The following PATJ variants were observed in gnomAD, a reference collection of about 807,000 sequenced individuals.
PATJ encodes PATJ crumbs cell polarity complex component, also known as inaD-like protein.
PATJ carries 190 observed loss-of-function variants against 224.9 expected under a neutral mutation model. The ratio of observed to expected loss-of-function variants is 0.84; its 90% CI spans 0.75 to 0.95. The LOEUF (loss-of-function observed/expected upper bound fraction) is 0.95. Ranked by LOEUF, PATJ falls within the 40% of genes least tolerant of loss-of-function variation. The pLI, the probability that PATJ is intolerant of heterozygous loss-of-function variation, is 0.00. For missense variants in PATJ, 2,121 were observed against 2,270.3 expected (o/e 0.93, Z 1.34); for synonymous variants, 769 against 820.3 (o/e 0.94, Z 1.07).
At chr1:61,749,846 T>A (rs1419094069) in intron 1 of PATJ, among the ~76,000 whole-genome samples, 1 of 152,040 alleles carries the variant, frequency 6.6e-6, no homozygotes, top group South Asian at 2.1e-4. Flanking sequence ...AGCTGGCTAA[T>A]TTTTAAATTT....
Position 61,777,021 on chromosome 1 carries a change from A to G in PATJ, c.849+1687A>G, listed in dbSNP as rs570475332. Among the ~76,000 whole-genome samples the G allele has an allele frequency of 1.7e-3, 258 of 151,888 alleles. 1 individual carries two copies. The highest frequency in any genetic ancestry group is 5.7e-3 in the African/African-American group (236 of 41,490). On this transcript the variant is annotated intron_variant, in intron 7 of 43. Coordinates refer to ENST00000642238, the MANE Select transcript of PATJ (RefSeq NM_001350145.3). ...ATTACAGGCGTGAGCCACCGCACCC[A>G]GCCAAATCTGCTACTTTTTTATGTG... is the stretch of plus-strand genomic sequence containing the variant.
chr1:61,896,205 G>A (rs983194340), intron 22 of PATJ, among the ~76,000 whole-genome samples: 1 of 151,690 alleles, frequency 6.6e-6, no homozygotes, highest in Non-Finnish European at 1.5e-5. Context: ...GCCAAGTCAG[G>A]AGAATCACTT....
At chr1:61,876,072 T>G (rs1667294808) in intron 21 of PATJ, among the ~76,000 whole-genome samples, 1 of 152,154 alleles carries the variant, frequency 6.6e-6, no homozygotes, top group South Asian at 2.1e-4. Context: ...CTTAAAAGTC[T>G]TTCTCTGTGT....
chr1:62,136,017 T>A (rs1314875039), intron 41 of PATJ, among the ~76,000 whole-genome samples: 2 of 106,934 alleles, frequency 1.9e-5, no homozygotes, highest in African/African-American at 8.0e-5. Context: ...ACCATTAGAT[T>A]TTTTTTTTTT....
rs1437936691 is a variant in PATJ at position 61,894,266 on chromosome 1, A to AAAC, written c.3132-5315_3132-5314insCAA. On this transcript the variant is annotated intron_variant, in intron 22 of 43. Coordinates refer to ENST00000642238, the MANE Select transcript of PATJ (RefSeq NM_001350145.3). ...CGAAACTCTATCTCATAAAAAAAAA[A>AAAC]AAACACAAAAAAAAAACAGAGAATT... 7.8e-3 allele frequency among the ~76,000 whole-genome samples: 1,097 copies of AAAC among 140,664 alleles called. 12 individuals are homozygous for AAAC. Among genetic ancestry groups the AAAC allele is most frequent in the African/African-American group, 0.026 (1,017 of 39,252 alleles). 92.3% of individuals were successfully genotyped at this position (140,664 alleles called of 152,430 possible).
chr1:61,990,176 A>G lies in PATJ; in HGVS notation c.3679A>G (p.Arg1227Gly). 6.3e-7 allele frequency: 1 copy of G among 1,593,298 alleles called. No homozygotes were observed. The highest frequency in any genetic ancestry group is 8.5e-7 in the Non-Finnish European group (1 of 1,174,336). ...AAAAATTCTTTTAATAGAAAAAATC[A>G]GACAAAGATATGCAGATCTGCCTGG... is the stretch of plus-strand genomic sequence containing the variant. ...EEDAFTDQKI[R>G]QRYADLPGEL... Residue 1227 changes from arginine to glycine, a missense_variant, in exon 28 of 44, where the codon AGA (arginine) becomes GGA (glycine). Physicochemically the swap from Arg to Gly is moderately radical, Grantham distance 125 (BLOSUM62 -2). Transcript: ENST00000642238.
chr1:61,899,676 G>A (rs183821272), intron 23 of PATJ, 22 bp downstream of exon 23: 20 of 1,560,248 alleles, frequency 1.3e-5, no homozygotes, highest in Middle Eastern at 1.7e-4. Flanking sequence ...ACATTATTGT[G>A]GCTTTCTCAA....
chr1:61,862,441 C>T (rs1179237637), intron 19 of PATJ, among the ~76,000 whole-genome samples: 1 of 152,198 alleles, frequency 6.6e-6, no homozygotes. Context: ...AGGTGATGTG[C>T]CCACCTCGGC....
intron 29 of PATJ, among the ~76,000 whole-genome samples, chr1:62,034,761 T>G (rs1242759184): frequency 1.3e-5 from 2 of 152,182 alleles, no homozygotes; most frequent in Non-Finnish European, 2.9e-5. Context: ...TTCTATTATG[T>G]AAGGTTAAAA....
chr1:61,859,716 T>C (rs2148927967), intron 18 of PATJ, among the ~76,000 whole-genome samples: 1 of 152,148 alleles, frequency 6.6e-6, no homozygotes, highest in South Asian at 2.1e-4. Flanking sequence ...GCCTCCTGGG[T>C]TCAAGTGATT....
chr1:62,160,308 T>A (rs1249471956), intron 43 of PATJ, among the ~76,000 whole-genome samples: 1 of 152,158 alleles, frequency 6.6e-6, no homozygotes, highest in Non-Finnish European at 1.5e-5. Flanking sequence ...TAGAAACCTA[T>A]TTAGATGATC....
Position 62,114,161 on chromosome 1 carries a change from C to T in PATJ, c.4570C>T (p.Arg1524Trp), listed in dbSNP as rs370297394. 59 of 1,613,940 alleles carry T rather than the reference C, an allele frequency of 3.7e-5. No homozygotes were observed. Among genetic ancestry groups the T allele is most frequent in the South Asian group, 4.4e-5 (4 of 91,068 alleles). The change falls in exon 35 of 44, where the codon CGG (arginine) becomes TGG (tryptophan). Residue 1524 changes from arginine to tryptophan, a missense_variant. Coordinates refer to ENST00000642238, the MANE Select transcript of PATJ (RefSeq NM_001350145.3). ...LVVYRDEAHY[R>W]DEENLEIFPV... ...GGTGTATAGAGATGAGGCACACTAC[C>T]GGGATGAGGAGAACTTGGAGATTTT...
At chr1:62,035,689 G>A (rs111854455) in intron 29 of PATJ, among the ~76,000 whole-genome samples, 1 of 149,192 alleles carries the variant, frequency 6.7e-6, no homozygotes, top group African/African-American at 2.5e-5. Flanking sequence ...TAGTGTCATA[G>A]GGAGTAGGAC....
chr1:61,952,809 A>G (rs914370412), intron 27 of PATJ, among the ~76,000 whole-genome samples: 4 of 152,224 alleles, frequency 2.6e-5, no homozygotes, highest in East Asian at 1.9e-4. Context: ...TGACTTCACC[A>G]TAATAAAAAG....
intron 30 of PATJ, among the ~76,000 whole-genome samples, chr1:62,038,298 C>T (rs527703468): frequency 4.0e-4 from 61 of 152,242 alleles, no homozygotes; most frequent in African/African-American, 1.5e-3. Context: ...TAATTTTGTC[C>T]TAATTGAGCA....
intron 30 of PATJ, among the ~76,000 whole-genome samples, chr1:62,046,989 T>C (rs980823054): frequency 6.6e-6 from 1 of 152,256 alleles, no homozygotes; most frequent in Admixed American, 6.5e-5. Flanking sequence ...TCCTCTACTT[T>C]AGTATTCATT....
At chr1:61,925,426 A>G (rs910710524) in intron 26 of PATJ, among the ~76,000 whole-genome samples, 1 of 152,210 alleles carries the variant, frequency 6.6e-6, no homozygotes, top group Non-Finnish European at 1.5e-5. Flanking sequence ...TATTCCTACT[A>G]TCAGCGAGGA....
intron 20 of PATJ, among the ~76,000 whole-genome samples, chr1:61,868,524 C>T (rs1386338830): frequency 1.3e-5 from 2 of 152,278 alleles, no homozygotes; most frequent in South Asian, 2.1e-4. Flanking sequence ...CATGGTGGCT[C>T]ATGCCTGTAA....
chr1:61,861,498 C>A, intron 18 of PATJ, 53 bp from the exon 19 acceptor site: 3 of 806,820 alleles, frequency 3.7e-6, no homozygotes, highest in Non-Finnish European at 2.0e-6. Flanking sequence ...TCCCCTTGCT[C>A]CCCACCCCAC....
Sources: allele counts gnomAD v4.1 joint callset (sites outside exome capture counted in the v4.1 genomes callset), GRCh38; gene constraint gnomAD v4.1.1; transcripts MANE v1.5; gene names NCBI Gene and HGNC (gene_info 2026-07-23, HGNC 2026-07-21).